Variants in AFDN observed in about 807,000 individuals in gnomAD.
AFDN encodes afadin.
In AFDN, 68 loss-of-function variants were observed where a neutral mutation model predicts 216.6. That is an observed-to-expected ratio of 0.31 (90% CI 0.26 to 0.38). The LOEUF is 0.38. Among genes scored for constraint, AFDN ranks in the 10% least tolerant of loss-of-function variants. The pLI is 1.00. For synonymous variants in AFDN, 868 were observed against 853.7 expected, an observed-to-expected ratio of 1.02 and a Z score of -0.29; for missense variants, 2,136 against 2,342.0, an observed-to-expected ratio of 0.91 and a Z score of 1.82.
At chr6:167,887,012 CAAAAAAAAAAAA>C (rs67970460) in intron 6 of AFDN, among the ~76,000 whole-genome samples, 1 of 90,506 alleles carries the variant, frequency 1.1e-5, no homozygotes, top group Non-Finnish European at 2.3e-5. Flanking sequence ...GAGACTGTAT[CAAAAAAAAAAAA>C]AAAAAAAAAG....
intron 24 of AFDN, 22 bp from the exon 25 acceptor site, chr6:167,943,380 A>G (rs770991171): frequency 1.2e-6 from 2 of 1,609,744 alleles, no homozygotes; most frequent in South Asian, 1.1e-5. Flanking sequence ...TAATCCATGC[A>G]CACACCTGTG....
Position 167,971,588 on chromosome 6 carries a change from A to G in AFDN, c.*1653A>G, listed in dbSNP as rs1798029092. 5.2e-6 allele frequency: 1 copy of G among 194,004 alleles called. No individual in the cohort carries two copies. The highest frequency in any genetic ancestry group is 1.1e-5 in the Non-Finnish European group (1 of 93,330). 12.0% of individuals were successfully genotyped at this position (194,004 alleles called of 1,614,324 possible). Reference sequence around the variant, plus strand: ...GGCACCTCCCAAATATCTTGAGGACACTGGCAGCCTTATGGTGACTAAATC... The same window carrying G: ...GGCACCTCCCAAATATCTTGAGGACGCTGGCAGCCTTATGGTGACTAAATC... On this transcript the variant is annotated 3_prime_UTR_variant, in exon 34 of 34. Coordinates refer to ENST00000683244, the MANE Select transcript of AFDN (RefSeq NM_001386888.1).
intron 23 of AFDN, among the ~76,000 whole-genome samples, chr6:167,927,196 C>G (rs189245299): frequency 3.5e-4 from 53 of 152,088 alleles, no homozygotes; most frequent in African/African-American, 1.3e-3. Flanking sequence ...GGCGTTGTAG[C>G]GGTTGTGGAG....
intron 1 of AFDN, among the ~76,000 whole-genome samples, chr6:167,832,522 G>C (rs1422800736): frequency 1.3e-5 from 2 of 152,170 alleles, no homozygotes; most frequent in African/African-American, 4.8e-5. Flanking sequence ...TTTGACATAT[G>C]TGATTGACCA....
At chr6:167,906,299 GAT>G (rs1789681244) in intron 12 of AFDN, among the ~76,000 whole-genome samples, 1 of 152,180 alleles carries the variant, frequency 6.6e-6, no homozygotes, top group Non-Finnish European at 1.5e-5. Context: ...AAAAATAAGT[GAT>G]ATTGTAAGAT....
At chr6:167,942,059 CGTTTT>C (rs751673544) in intron 23 of AFDN, among the ~76,000 whole-genome samples, 7 of 152,008 alleles carry the variant, frequency 4.6e-5, no homozygotes, top group Non-Finnish European at 8.8e-5. Flanking sequence ...CTGCTACAGG[CGTTTT>C]GTTTTGGTTT....
At chr6:167,920,714 G>A (rs190340615) in intron 21 of AFDN, among the ~76,000 whole-genome samples, 124 of 152,208 alleles carry the variant, frequency 8.1e-4, no homozygotes, top group Middle Eastern at 3.4e-3. Flanking sequence ...CTTGAAATAC[G>A]CACACTATAG....
chr6:167,911,259 CTT>C (rs1562656031), intron 14 of AFDN, 23 bp from the exon 15 acceptor site: 3 of 1,600,910 alleles, frequency 1.9e-6, no homozygotes, highest in Admixed American at 3.5e-5. Flanking sequence ...TTCCTTTTTT[CTT>C]TGTTTTTGAA....
In AFDN at chr6:167,875,524, A is replaced by G. The variant is rs1254246385; in HGVS notation, c.739+29A>G. On this transcript the variant is annotated intron_variant, in intron 5 of 33. Coordinates refer to ENST00000683244, the MANE Select transcript of AFDN (RefSeq NM_001386888.1). ...CAACTTGGTATTTTTTCTCTGTTCT[A>G]CCTGTTACAAAGAGCATTGTTTAAT... The G allele has an allele frequency of 2.5e-6, 4 of 1,607,982 alleles. No individual in the cohort carries two copies. In the South Asian group the frequency reaches 3.3e-5, roughly 13 times the overall value.
chr6:167,916,760 A>G (rs1477050850), intron 19 of AFDN, among the ~76,000 whole-genome samples: 4 of 152,196 alleles, frequency 2.6e-5, no homozygotes, highest in Non-Finnish European at 4.4e-5. Flanking sequence ...CGATGAAACT[A>G]TTCATACACC....
At chr6:167,964,963 T>A (rs916151815) in intron 31 of AFDN, 1 of 1,053,886 alleles carries the variant, frequency 9.5e-7, no homozygotes, top group African/African-American at 1.7e-5. Context: ...CTGTAGTTTG[T>A]GCAGATGTAT....
intron 13 of AFDN, among the ~76,000 whole-genome samples, chr6:167,909,278 G>T (rs999369568): frequency 6.6e-6 from 1 of 151,436 alleles, no homozygotes; most frequent in Non-Finnish European, 1.5e-5. Flanking sequence ...AAGAAGATTT[G>T]GGTTGTATTT....
At chr6:167,852,007 A>G (rs1013886824) in intron 1 of AFDN, among the ~76,000 whole-genome samples, 11 of 152,256 alleles carry the variant, frequency 7.2e-5, no homozygotes, top group African/African-American at 2.2e-4. Flanking sequence ...AGACTTCACA[A>G]TTTTCAGTTT....
At chr6:167,861,584 C>T (rs1783580002) in intron 1 of AFDN, among the ~76,000 whole-genome samples, 1 of 152,064 alleles carries the variant, frequency 6.6e-6, no homozygotes, top group African/African-American at 2.4e-5. Context: ...CAGTGAAGGG[C>T]AGTAATTTAT....
chr6:167,874,342 A>G (rs946816182), intron 4 of AFDN, among the ~76,000 whole-genome samples: 3 of 152,210 alleles, frequency 2.0e-5, no homozygotes, highest in Admixed American at 2.0e-4. Flanking sequence ...CAACTTGATT[A>G]AAAGCTTGAC....
chr6:167,919,464 C>A (rs1562673798), intron 21 of AFDN, among the ~76,000 whole-genome samples: 1 of 152,194 alleles, frequency 6.6e-6, no homozygotes, highest in South Asian at 2.1e-4. Flanking sequence ...CTAAGAGATT[C>A]TTGGGAGGAC....
intron 30 of AFDN, among the ~76,000 whole-genome samples, chr6:167,958,453 G>T (rs1404304099): frequency 6.6e-6 from 1 of 152,106 alleles, no homozygotes; most frequent in Non-Finnish European, 1.5e-5. Context: ...CACTGTAGTG[G>T]CAGGAACCAT....
At chr6:167,922,821 C>T (rs1489404951) in intron 21 of AFDN, 35 bp from the exon 22 acceptor site, 2 of 1,405,042 alleles carry the variant, frequency 1.4e-6, no homozygotes, top group African/African-American at 2.8e-5. Context: ...ACAAGATGTG[C>T]TTTTTCACTT....
intron 12 of AFDN, 103 bp from the exon 13 acceptor site, chr6:167,907,068 C>A: frequency 1.2e-6 from 1 of 805,566 alleles, no homozygotes; most frequent in Non-Finnish European, 2.1e-6. Flanking sequence ...TCTTGCCTGC[C>A]CTGCTTGGCA....
Sources: gnomAD v4.1 joint callset for allele counts (sites outside exome capture counted in the v4.1 genomes callset) on GRCh38, gnomAD v4.1.1 for gene constraint, MANE v1.5 for transcripts, NCBI Gene and HGNC (gene_info 2026-07-23, HGNC 2026-07-21) for gene names.